RASA3: variants seen among roughly 807,000 people sequenced by gnomAD.
The protein encoded by RASA3 is ras GTPase-activating protein 3.
RASA3 carries 73 observed loss-of-function variants against 110.0 expected under a neutral mutation model. The observed-to-expected ratio is 0.66, with a 90% CI of 0.55 to 0.81. The LOEUF (loss-of-function observed/expected upper bound fraction) is 0.81. RASA3 is among the 30% of genes least tolerant of loss of function. RASA3 has a pLI of 0.00. For missense variants in RASA3, 976 were observed against 1,113.2 expected (o/e 0.88, Z 1.75); for synonymous variants, 500 against 451.4 (o/e 1.11, Z -1.37).
At chr13:114,073,950 G>T in intron 1 of RASA3, 113 bp from the exon 2 acceptor site, 1 of 972,550 alleles carries the variant, frequency 1.0e-6, no homozygotes, top group Non-Finnish European at 1.6e-6. Flanking sequence ...TCTCTATAAA[G>T]CCTTGGTTTT....
At chr13:114,054,361 G>GA (rs1160964089) in intron 2 of RASA3, among the ~76,000 whole-genome samples, 1 of 152,174 alleles carries the variant, frequency 6.6e-6, no homozygotes, top group Admixed American at 6.5e-5. Context: ...TAGCCCTTGA[G>GA]AAAATGCAAA....
intron 4 of RASA3, among the ~76,000 whole-genome samples, chr13:114,035,334 C>A (rs936551009): frequency 6.6e-6 from 1 of 152,222 alleles, no homozygotes; most frequent in Non-Finnish European, 1.5e-5. Context: ...GCACTGAGGT[C>A]CCTGGCGCTG....
rs558784563 is a variant in RASA3, at chr13:114,123,423, C to A, written c.55+9012G>T. Reference sequence around the variant, plus strand: ...GGGTGCACGCAAGGGCCCTCAGGTACTCTGTGCAGCCCCTCAAAGCAGGGA... The same window carrying A: ...GGGTGCACGCAAGGGCCCTCAGGTAATCTGTGCAGCCCCTCAAAGCAGGGA... On this transcript the variant is annotated intron_variant, in intron 1 of 23. Transcript: ENST00000334062. 3.3e-5 allele frequency among the ~76,000 whole-genome samples: 5 copies of A among 152,342 alleles called. No homozygotes were observed. In the East Asian group the frequency reaches 9.6e-4, roughly 29 times the overall value.
chr13:113,998,316 A>ACGCCC lies in RASA3; in HGVS notation c.1932+1268_1932+1269insGGGCG, dbSNP rs1566457120. Among the ~76,000 whole-genome samples the ACGCCC allele has an allele frequency of 3.2e-3, 476 of 151,074 alleles. 3 individuals are homozygous for ACGCCC. Among genetic ancestry groups the ACGCCC allele is most frequent in the African/African-American group, 0.011 (443 of 40,996 alleles). ...TCCTCTTCCCAGCCCTCCTCTTCCC[A>ACGCCC]TGCCCTCCTCTTCAAATTACTCTCC... On this transcript the variant is annotated intron_variant, in intron 20 of 23. Coordinates refer to ENST00000334062, the MANE Select transcript of RASA3 (RefSeq NM_007368.4).
At chr13:114,089,072 G>A (rs1250287656) in intron 1 of RASA3, among the ~76,000 whole-genome samples, 1 of 152,030 alleles carries the variant, frequency 6.6e-6, no homozygotes, top group African/African-American at 2.4e-5. Context: ...ATCCCTGGTG[G>A]AGCTCCCCTC....
intron 1 of RASA3, among the ~76,000 whole-genome samples, chr13:114,104,535 C>G (rs574951910): frequency 4.6e-5 from 7 of 152,102 alleles, no homozygotes; most frequent in African/African-American, 1.7e-4. Flanking sequence ...ACTCCGGTGG[C>G]GGGCACACCC....
intron 14 of RASA3, among the ~76,000 whole-genome samples, chr13:114,013,932 C>CCG (rs2053723560): frequency 1.6e-5 from 2 of 124,428 alleles, no homozygotes; most frequent in African/African-American, 3.5e-5. Flanking sequence ...CCGTCTCTCT[C>CCG]TCCCTGTCTC....
At chr13:114,032,179 C>T (rs762414383) in intron 4 of RASA3, among the ~76,000 whole-genome samples, 62 of 152,092 alleles carry the variant, frequency 4.1e-4, no homozygotes, top group Non-Finnish European at 8.1e-4. Flanking sequence ...ACAGATCTAC[C>T]AACACAGACC....
rs75445818 is a variant in RASA3, at chr13:114,037,864, A to G, written c.372+3136T>C. Among the ~76,000 whole-genome samples, 910 of 152,216 alleles carry G rather than the reference A, an allele frequency of 6.0e-3. 2 individuals are homozygous for G. The highest frequency in any genetic ancestry group is 0.018 in the African/African-American group (729 of 41,536). On this transcript the variant is annotated intron_variant, in intron 4 of 23. Coordinates refer to ENST00000334062, the MANE Select transcript of RASA3 (RefSeq NM_007368.4). Reference sequence around the variant, plus strand: ...CCTGGGGAAGCCGGGAGAAGGGAGCACAGCCTTCTGTTTGGGGAAGCCAGG... The same window carrying G: ...CCTGGGGAAGCCGGGAGAAGGGAGCGCAGCCTTCTGTTTGGGGAAGCCAGG...
chr13:114,038,913 C>T (rs1594368055), intron 4 of RASA3, among the ~76,000 whole-genome samples: 1 of 152,254 alleles, frequency 6.6e-6, no homozygotes, highest in Non-Finnish European at 1.5e-5. Flanking sequence ...GAAGTCCTCA[C>T]AAGGAACCTA....
rs775972632 is a variant in RASA3 at position 114,021,411 on chromosome 13, C to T, written c.778G>A (p.Glu260Lys). ...GGTGCAACATCATCTTACCACGCCTCGTAGGAGCTGGACTGCCGCAGGACT... is the reference window on the plus strand; with the variant it reads ...GGTGCAACATCATCTTACCACGCCTTGTAGGAGCTGGACTGCCGCAGGACT... Reference protein sequence around the residue: ...LKVLRQSSSYEAWYFLQPRDN... With the variant: ...LKVLRQSSSYKAWYFLQPRDN... Residue 260 changes from glutamate (E) to lysine (K), a missense_variant, in exon 9 of 24, where the codon GAG (glutamate) becomes AAG (lysine). By Grantham distance (56) the Glu-to-Lys change is moderately conservative. Coordinates refer to ENST00000334062, the MANE Select transcript of RASA3 (RefSeq NM_007368.4). The T allele has an allele frequency of 5.0e-6, 8 of 1,613,750 alleles. No homozygotes were observed. Among genetic ancestry groups the T allele is most frequent in the African/African-American group, 4.0e-5 (3 of 74,922 alleles).
intron 21 of RASA3, among the ~76,000 whole-genome samples, chr13:113,995,809 TCCGGCTGACGGGGGGC>T (rs71105225): frequency 0.032 from 159 of 5,030 alleles, 13 homozygotes; most frequent in Admixed American, 0.047. Flanking sequence ...CTGATGGGGG[TCCGGCTGACGGGGGGC>T]CCGGCTGACG....
chr13:113,982,426 C>T (rs543107501), intron 22 of RASA3, among the ~76,000 whole-genome samples: 9 of 152,356 alleles, frequency 5.9e-5, no homozygotes, highest in Admixed American at 4.6e-4. Flanking sequence ...ACCACTGCCC[C>T]GGACCCCACC....
At chr13:114,128,047 T>G (rs2080473347) in intron 1 of RASA3, among the ~76,000 whole-genome samples, 1 of 152,176 alleles carries the variant, frequency 6.6e-6, no homozygotes, top group Admixed American at 6.5e-5. Flanking sequence ...GTTTCCCAGG[T>G]GCAGCCAGGC....
intron 1 of RASA3, among the ~76,000 whole-genome samples, chr13:114,104,918 T>TCCCCA (rs1162785685): frequency 3.7e-5 from 1 of 26,802 alleles, no homozygotes; most frequent in Non-Finnish European, 7.6e-5. Flanking sequence ...CCCCCTCCCC[T>TCCCCA]CCCCACACAC....
intron 1 of RASA3, among the ~76,000 whole-genome samples, chr13:114,105,787 T>C (rs1449706834): frequency 1.3e-5 from 2 of 152,180 alleles, no homozygotes; most frequent in Admixed American, 6.5e-5. Flanking sequence ...TTCTCAATCT[T>C]TGAAAAATAT....
intron 3 of RASA3, among the ~76,000 whole-genome samples, chr13:114,043,843 C>CT (rs2078986954): frequency 1.6e-5 from 1 of 62,472 alleles, no homozygotes; most frequent in Non-Finnish European, 3.1e-5. Context: ...CTGAGCCCCC[C>CT]GCCCCGCCTC....
intron 22 of RASA3, among the ~76,000 whole-genome samples, chr13:113,982,990 C>A (rs936167854): frequency 6.6e-6 from 1 of 151,828 alleles, no homozygotes; most frequent in Non-Finnish European, 1.5e-5. Context: ...ACAATTTTTA[C>A]GGCAGCCCAA....
intron 13 of RASA3, among the ~76,000 whole-genome samples, chr13:114,015,755 T>C (rs1373014941): frequency 6.6e-6 from 1 of 152,114 alleles, no homozygotes; most frequent in Admixed American, 6.5e-5. Flanking sequence ...TACACAGCTC[T>C]GGGGACAGCC....
Sources: allele counts gnomAD v4.1 joint callset (sites outside exome capture counted in the v4.1 genomes callset), GRCh38; gene constraint gnomAD v4.1.1; transcripts MANE v1.5; gene names NCBI Gene and HGNC (gene_info 2026-07-23, HGNC 2026-07-21).